Variants in LRRC18 observed in about 807,000 individuals in gnomAD.
LRRC18 encodes leucine-rich repeat-containing protein 18.
A neutral mutation model predicts 11.2 loss-of-function variants in LRRC18; 12 were observed. That is an observed-to-expected ratio of 1.07 (90% CI 0.69 to 1.74). The LOEUF (loss-of-function observed/expected upper bound fraction) is 1.74. LRRC18 is among the 40% of genes most tolerant of loss of function. LRRC18 has a pLI of 0.00. For synonymous variants in LRRC18, 155 were observed against 130.6 expected, an observed-to-expected ratio of 1.19 and a Z score of -1.27; for missense variants, 374 against 330.5, an observed-to-expected ratio of 1.13 and a Z score of -1.02.
the LRRC18 span, among the ~76,000 whole-genome samples, chr10:48,935,812 A>G: frequency 6.6e-6 from 1 of 152,178 alleles, no homozygotes; most frequent in African/African-American, 2.4e-5. Flanking sequence ...ATGAACACAC[A>G]GCAGTAAGCC....
chr10:48,939,724 A>G, the LRRC18 span, among the ~76,000 whole-genome samples: 1 of 152,222 alleles, frequency 6.6e-6, no homozygotes, highest in African/African-American at 2.4e-5. Context: ...TTAAAACAAT[A>G]TTTTTAAAAA....
rs565360608 is a variant in LRRC18 at position 48,913,643 on chromosome 10, C to T, written c.513G>A (p.Lys171=). 32 of 1,613,884 alleles carry T rather than the reference C, an allele frequency of 2.0e-5. No homozygotes were observed. The East Asian group carries it at 3.6e-4, about 18-fold the overall frequency. The change falls in exon 1 of 2, where the codon AAG becomes AAA. Residue 171 remains lysine (K), a synonymous_variant. Coordinates refer to ENST00000374160, the Ensembl canonical transcript of LRRC18. ...GAAAGGGGTTCCGCTTTATGTTGAG[C>T]TTTTTCAGCTTGGGGAGCTTGGAGA... is the stretch of plus-strand genomic sequence containing the variant.
upstream of LRRC18, among the ~76,000 whole-genome samples, chr10:48,918,361 G>A (rs537210475): frequency 2.0e-5 from 3 of 152,176 alleles, no homozygotes; most frequent in South Asian, 6.2e-4. Flanking sequence ...ATAAGCAACA[G>A]TGAGTTGAAC....
At chr10:48,923,390 T>A in the LRRC18 span, among the ~76,000 whole-genome samples, 1 of 151,830 alleles carries the variant, frequency 6.6e-6, no homozygotes, top group Non-Finnish European at 1.5e-5. Flanking sequence ...ACTCATCTGA[T>A]GTTTATCAAT....
the LRRC18 span, among the ~76,000 whole-genome samples, chr10:48,920,725 A>G: frequency 6.6e-6 from 1 of 152,252 alleles, no homozygotes; most frequent in South Asian, 2.1e-4. Flanking sequence ...AACTGTTCTT[A>G]TGCACAGATG....
At chr10:48,922,741 A>T in the LRRC18 span, among the ~76,000 whole-genome samples, 25 of 152,328 alleles carry the variant, frequency 1.6e-4, no homozygotes, top group African/African-American at 6.0e-4. Context: ...ACATGCGACA[A>T]CTTGGATGAA....
At chr10:48,929,593 C>T in the LRRC18 span, among the ~76,000 whole-genome samples, 1 of 152,226 alleles carries the variant, frequency 6.6e-6, no homozygotes, top group African/African-American at 2.4e-5. Flanking sequence ...CTGGTAAGCC[C>T]ACCTAGTCTC....
the LRRC18 span, among the ~76,000 whole-genome samples, chr10:48,924,136 C>T: frequency 6.6e-6 from 1 of 152,214 alleles, no homozygotes; most frequent in East Asian, 1.9e-4. Flanking sequence ...TACTTCACCT[C>T]CCCAGGGAGT....
chr10:48,934,761 G>A, the LRRC18 span, among the ~76,000 whole-genome samples: 2,673 of 152,286 alleles, frequency 0.018, 84 homozygotes, highest in African/African-American at 0.061. Flanking sequence ...TTCCTTAGAG[G>A]GGTGACTGGT....
chr10:48,925,308 C>G, the LRRC18 span, among the ~76,000 whole-genome samples: 98 of 152,250 alleles, frequency 6.4e-4, no homozygotes, highest in African/African-American at 2.3e-3. Context: ...GGGGCTGTAT[C>G]TTCACAGATG....
the LRRC18 span, among the ~76,000 whole-genome samples, chr10:48,927,374 T>G: frequency 1.6e-4 from 25 of 152,050 alleles, no homozygotes; most frequent in African/African-American, 6.0e-4. Context: ...TTGTGGGTGG[T>G]GGGGGGAGGG....
At chr10:48,933,730 G>C in the LRRC18 span, among the ~76,000 whole-genome samples, 1 of 152,216 alleles carries the variant, frequency 6.6e-6, no homozygotes, top group Non-Finnish European at 1.5e-5. Flanking sequence ...ATTGGCAATG[G>C]GCTGAGAGTT....
chr10:48,918,342 A>C (rs1451659332), upstream of LRRC18, among the ~76,000 whole-genome samples: 4 of 152,352 alleles, frequency 2.6e-5, no homozygotes, highest in African/African-American at 9.6e-5. Context: ...TAAAGAAAGT[A>C]TACTTTAAAT....
At chr10:48,926,606 T>C in the LRRC18 span, among the ~76,000 whole-genome samples, 3 of 152,194 alleles carry the variant, frequency 2.0e-5, no homozygotes, top group African/African-American at 7.2e-5. Flanking sequence ...GTGTGACCCA[T>C]TGTCTGCTCA....
the LRRC18 span, among the ~76,000 whole-genome samples, chr10:48,932,932 C>T: frequency 1.2e-4 from 18 of 151,936 alleles, no homozygotes; most frequent in Non-Finnish European, 1.6e-4. Flanking sequence ...GAGGGGAGGG[C>T]GAAGAGCTGA....
chr10:48,927,190 C>T, the LRRC18 span, among the ~76,000 whole-genome samples: 10,447 of 152,156 alleles, frequency 0.069, 893 homozygotes, highest in African/African-American at 0.2. Flanking sequence ...AAACAGCAGC[C>T]GTCTCTATGT....
chr10:48,939,342 G>A, the LRRC18 span, among the ~76,000 whole-genome samples: 25 of 152,288 alleles, frequency 1.6e-4, no homozygotes, highest in African/African-American at 5.5e-4. Flanking sequence ...TGGTCTCACT[G>A]GCTCTCCCAC....
chr10:48,931,808 C>T, the LRRC18 span, among the ~76,000 whole-genome samples: 1 of 152,230 alleles, frequency 6.6e-6, no homozygotes, highest in African/African-American at 2.4e-5. Context: ...GCACTAGACA[C>T]TGCCTCCAAT....
chr10:48,930,331 C>T, the LRRC18 span, among the ~76,000 whole-genome samples: 1 of 152,324 alleles, frequency 6.6e-6, no homozygotes, highest in Middle Eastern at 3.4e-3. Flanking sequence ...TTGTCACTTG[C>T]ATACTAAATA....
Sources: allele counts gnomAD v4.1 joint callset (sites outside exome capture counted in the v4.1 genomes callset), GRCh38; gene constraint gnomAD v4.1.1; transcripts MANE v1.5; gene names NCBI Gene and HGNC (gene_info 2026-07-23, HGNC 2026-07-21).